Variants in TCF7L2 observed in about 807,000 individuals in gnomAD.
TCF7L2 encodes the protein transcription factor 7-like 2.
Under a neutral mutation model 77.9 loss-of-function variants are expected in TCF7L2, and 23 were observed. That is an observed-to-expected ratio of 0.30 (90% confidence interval 0.21 to 0.42). The LOEUF (loss-of-function observed/expected upper bound fraction) is 0.42, where lower values mean the gene tolerates loss of function less well. Among genes scored for constraint, TCF7L2 ranks in the 10% least tolerant of loss-of-function variants. The pLI, the probability that TCF7L2 is intolerant of heterozygous loss-of-function variation, is 1.00. For missense variants in TCF7L2, 654 were observed against 793.1 expected, an observed-to-expected ratio of 0.82 and a Z score of 2.11; for synonymous variants, 413 against 340.2, an observed-to-expected ratio of 1.21 and a Z score of -2.36.
At chr10:113,016,926 G>GC (rs2047428638) in intron 4 of TCF7L2, among the ~76,000 whole-genome samples, 1 of 152,124 alleles carries the variant, frequency 6.6e-6, no homozygotes, top group South Asian at 2.1e-4. Flanking sequence ...CTCTAAACTT[G>GC]CTGGTGTCTC....
chr10:112,952,563 G>A (rs1027767551), intron 3 of TCF7L2, among the ~76,000 whole-genome samples: 1 of 152,208 alleles, frequency 6.6e-6, no homozygotes, highest in African/African-American at 2.4e-5. Context: ...TGGGATGTAT[G>A]GCGGGGTCGG....
At chr10:113,045,750 T>C (rs974226961) in intron 5 of TCF7L2, among the ~76,000 whole-genome samples, 7 of 152,232 alleles carry the variant, frequency 4.6e-5, no homozygotes, top group Non-Finnish European at 8.8e-5. Flanking sequence ...CTCCACTTTC[T>C]CTACTGCATA....
intron 5 of TCF7L2, among the ~76,000 whole-genome samples, chr10:113,117,424 TCTCTCTCTCCC>T (rs2063953742): frequency 9.0e-5 from 3 of 33,428 alleles, no homozygotes; most frequent in Admixed American, 2.9e-4. Flanking sequence ...TCTCTCTCTC[TCTCTCTCTCCC>T]TCTCTCTCTC....
At chr10:113,021,192 G>A (rs1326846342) in intron 4 of TCF7L2, among the ~76,000 whole-genome samples, 1 of 152,162 alleles carries the variant, frequency 6.6e-6, no homozygotes, top group Admixed American at 6.5e-5. Flanking sequence ...TGTGACCTTG[G>A]GCGGGTTGCC....
chr10:113,003,999 C>A (rs2045008989), intron 4 of TCF7L2, among the ~76,000 whole-genome samples: 1 of 152,194 alleles, frequency 6.6e-6, no homozygotes, highest in Non-Finnish European at 1.5e-5. Context: ...GAGAATCAAG[C>A]AGAGCTAAGT....
chr10:112,999,017 A>G (rs1366335291), intron 4 of TCF7L2, among the ~76,000 whole-genome samples: 1 of 152,194 alleles, frequency 6.6e-6, no homozygotes, highest in Non-Finnish European at 1.5e-5. Context: ...CCTATTAAAA[A>G]AAGTATTTTA....
rs191413559 is a variant in TCF7L2, at chr10:112,980,527, C to T, written c.450+15903C>T. 9.9e-4 allele frequency among the ~76,000 whole-genome samples: 150 copies of T among 152,270 alleles called. 1 individual carries two copies. The highest frequency in any genetic ancestry group is 2.8e-3 in the Admixed American group (43 of 15,290). Reference sequence around the variant, plus strand: ...GTTCCGGGAGTCACGAAGTTCGGAACTAGATTCTTACCCTTAAAATCAAAA... The same window carrying T: ...GTTCCGGGAGTCACGAAGTTCGGAATTAGATTCTTACCCTTAAAATCAAAA... On this transcript the variant is annotated intron_variant, in intron 4 of 13. Coordinates refer to ENST00000627217, the MANE Select transcript of TCF7L2 (RefSeq NM_001146274.2).
At chr10:113,069,858 A>T (rs2135167677) in intron 5 of TCF7L2, among the ~76,000 whole-genome samples, 1 of 152,264 alleles carries the variant, frequency 6.6e-6, no homozygotes, top group Middle Eastern at 3.4e-3. Flanking sequence ...CAAGAATACT[A>T]GTGGCAAGAA....
At chr10:113,026,024 A>G (rs527269643) in intron 4 of TCF7L2, among the ~76,000 whole-genome samples, 50 of 151,210 alleles carry the variant, frequency 3.3e-4, no homozygotes, top group African/African-American at 1.2e-3. Flanking sequence ...GACTACAGAC[A>G]TGTGCCACCA....
At chr10:113,154,067 C>T (rs555393631) in intron 11 of TCF7L2, among the ~76,000 whole-genome samples, 4 of 152,336 alleles carry the variant, frequency 2.6e-5, no homozygotes, top group South Asian at 4.1e-4. Context: ...GCTGAGAGCC[C>T]TTGTCGCCGA....
At chr10:113,083,393 A>G (rs2059512872) in intron 5 of TCF7L2, among the ~76,000 whole-genome samples, 1 of 152,154 alleles carries the variant, frequency 6.6e-6, no homozygotes, top group African/African-American at 2.4e-5. Flanking sequence ...AGGATTGCAT[A>G]CATCTGCCAT....
chr10:113,097,658 A>AAACAAAAAAAAAAAACAAAC (rs1382389732), intron 5 of TCF7L2, among the ~76,000 whole-genome samples: 2 of 141,772 alleles, frequency 1.4e-5, no homozygotes, highest in African/African-American at 5.2e-5. Context: ...AAAAAAAAAA[A>AAACAAAAAAAAAAAACAAAC]AAAAAAAAAA....
At chr10:113,040,810 A>G (rs907880808) in intron 5 of TCF7L2, among the ~76,000 whole-genome samples, 1 of 152,226 alleles carries the variant, frequency 6.6e-6, no homozygotes, top group South Asian at 2.1e-4. Flanking sequence ...GAATTTATAA[A>G]TTAACCTCTT....
At chr10:113,118,645 TTTTTTTTTG>T (rs1325768807) in intron 5 of TCF7L2, among the ~76,000 whole-genome samples, 705 of 34,542 alleles carry the variant, frequency 0.02, 5 homozygotes, top group African/African-American at 0.08. Context: ...TTGGGGAAGT[TTTTTTTTTG>T]TTTTTTTTTG....
chr10:113,057,677 G>A (rs545500325), intron 5 of TCF7L2, among the ~76,000 whole-genome samples: 17 of 152,326 alleles, frequency 1.1e-4, no homozygotes, highest in African/African-American at 3.4e-4. Flanking sequence ...GATACATTAC[G>A]TTAATCCTTA....
At chr10:113,026,164 C>G (rs2049118759) in intron 4 of TCF7L2, among the ~76,000 whole-genome samples, 1 of 151,246 alleles carries the variant, frequency 6.6e-6, no homozygotes, top group Non-Finnish European at 1.5e-5. Context: ...CAGGCGTGAG[C>G]CACTGCGCCT....
intron 5 of TCF7L2, among the ~76,000 whole-genome samples, chr10:113,108,038 G>A (rs918017539): frequency 1.3e-5 from 2 of 148,890 alleles, no homozygotes; most frequent in Non-Finnish European, 3.0e-5. Context: ...TCTGTCGGCT[G>A]ACCTTCTTGG....
intron 5 of TCF7L2, among the ~76,000 whole-genome samples, chr10:113,102,738 T>A (rs2061809789): frequency 6.6e-6 from 1 of 152,176 alleles, no homozygotes; most frequent in South Asian, 2.1e-4. Context: ...ATTTTTTAAT[T>A]CACTTCTTTG....
intron 5 of TCF7L2, among the ~76,000 whole-genome samples, chr10:113,100,481 AT>A (rs377764189): frequency 0.049 from 7,167 of 147,302 alleles, 578 homozygotes; most frequent in African/African-American, 0.17. Context: ...GAGAAGGTGT[AT>A]TTTTTTTTTT....
Sources: gnomAD v4.1 joint callset for allele counts (sites outside exome capture counted in the v4.1 genomes callset) on GRCh38, gnomAD v4.1.1 for gene constraint, MANE v1.5 for transcripts, NCBI Gene and HGNC (gene_info 2026-07-23, HGNC 2026-07-21) for gene names.